The following CRTC3 variants were observed in gnomAD, a reference collection of about 807,000 sequenced individuals.
CRTC3 encodes the protein CREB-regulated transcription coactivator 3.
In CRTC3, 26 loss-of-function variants were observed where a neutral mutation model predicts 74.5. The observed-to-expected ratio is 0.35, with a 90% CI of 0.26 to 0.48. The LOEUF is 0.48. Among genes scored for constraint, CRTC3 ranks in the 20% least tolerant of loss-of-function variants. The probability of loss-of-function intolerance (pLI) is 0.99; values close to 1 mark genes in which losing one functional copy is unlikely to be tolerated. For synonymous variants in CRTC3, 377 were observed against 325.8 expected, an observed-to-expected ratio of 1.16 and a Z score of -1.69; for missense variants, 760 against 787.3, an observed-to-expected ratio of 0.97 and a Z score of 0.41.
intron 3 of CRTC3, chr15:90,598,515 T>G: frequency 1.4e-6 from 1 of 702,662 alleles, no homozygotes; most frequent in African/African-American, 1.7e-5. Flanking sequence ...AAGATTTTCC[T>G]GCACAGAACT....
intron 2 of CRTC3, among the ~76,000 whole-genome samples, chr15:90,573,678 T>C (rs1967331469): frequency 6.6e-6 from 1 of 152,216 alleles, no homozygotes; most frequent in African/African-American, 2.4e-5. Flanking sequence ...TCTGTCCATT[T>C]CCACATCAGT....
chr15:90,562,780 T>A (rs992582176), intron 2 of CRTC3, among the ~76,000 whole-genome samples: 1 of 151,734 alleles, frequency 6.6e-6, no homozygotes, highest in Non-Finnish European at 1.5e-5. Flanking sequence ...AAGGCCAGAG[T>A]TGGGAGGCAA....
At chr15:90,598,098 G>T in intron 3 of CRTC3, 1 of 256,630 alleles carries the variant, frequency 3.9e-6, no homozygotes, top group Non-Finnish European at 7.6e-6. Flanking sequence ...TACATGGAAG[G>T]TCTCAGGCCT....
chr15:90,637,156 G>A (rs1166346120), intron 11 of CRTC3, among the ~76,000 whole-genome samples: 1 of 152,214 alleles, frequency 6.6e-6, no homozygotes, highest in Admixed American at 6.5e-5. Flanking sequence ...AACCAAGCCA[G>A]ATGTCCAACA....
chr15:90,575,946 G>T (rs1259401418), intron 2 of CRTC3, among the ~76,000 whole-genome samples: 3 of 152,134 alleles, frequency 2.0e-5, no homozygotes, highest in African/African-American at 7.2e-5. Context: ...CTAAGGATAT[G>T]ATCAGATTTG....
intron 2 of CRTC3, among the ~76,000 whole-genome samples, chr15:90,572,012 A>T (rs1256896619): frequency 1.3e-5 from 2 of 152,014 alleles, no homozygotes; most frequent in Non-Finnish European, 2.9e-5. Context: ...AAATACAAAA[A>T]TTAGCTGGGC....
rs527774970 is a variant in CRTC3 at position 90,572,734 on chromosome 15, C to G, written c.232-20902C>G. On this transcript the variant is annotated intron_variant, in intron 2 of 14. Transcript: ENST00000268184. ...GGGATTACAGCTGTGCGTCACCATA[C>G]CCAGCTAATTTTTGTATTTTTAGTA... is the stretch of plus-strand genomic sequence containing the variant. 2.0e-5 allele frequency among the ~76,000 whole-genome samples: 3 copies of G among 152,230 alleles called. No individual in the cohort carries two copies. In the South Asian group the frequency reaches 6.2e-4, roughly 32 times the overall value.
intron 2 of CRTC3, among the ~76,000 whole-genome samples, chr15:90,576,816 A>C (rs1452351583): frequency 6.6e-6 from 1 of 152,118 alleles, no homozygotes. Context: ...TATCTTGGGA[A>C]ATTTCGGTGG....
chr15:90,637,243 T>C (rs1428275270), intron 11 of CRTC3, among the ~76,000 whole-genome samples: 1 of 152,228 alleles, frequency 6.6e-6, no homozygotes, highest in Non-Finnish European at 1.5e-5. Context: ...GATGAGTTCA[T>C]GTCCTTTGTA....
At chr15:90,630,702 C>A (rs1357389481) in intron 11 of CRTC3, among the ~76,000 whole-genome samples, 2 of 151,248 alleles carry the variant, frequency 1.3e-5, no homozygotes, top group Non-Finnish European at 2.9e-5. Context: ...ATACCATAAT[C>A]ATCGAGGAAT....
rs563647600 is a variant in CRTC3 at position 90,590,876 on chromosome 15, C to T, written c.232-2760C>T. ...GAGATTAACACCCCACAACTGAATACCAGCAGTAATACAGGATTTGGGCCA... is the reference window on the plus strand; with the variant it reads ...GAGATTAACACCCCACAACTGAATATCAGCAGTAATACAGGATTTGGGCCA... On this transcript the variant is annotated intron_variant, in intron 2 of 14. Transcript: ENST00000268184. Among the ~76,000 whole-genome samples the T allele has an allele frequency of 4.6e-5, 7 of 152,304 alleles. No individual in the cohort carries two copies. The South Asian group carries it at 6.2e-4, about 14-fold the overall frequency.
chr15:90,606,017 A>G (rs1968209391), intron 5 of CRTC3, among the ~76,000 whole-genome samples: 1 of 152,190 alleles, frequency 6.6e-6, no homozygotes, highest in African/African-American at 2.4e-5. Flanking sequence ...GCATTTTGGG[A>G]GGCCAAGGCG....
At chr15:90,556,006 G>C (rs1266557907) in intron 2 of CRTC3, among the ~76,000 whole-genome samples, 3 of 151,944 alleles carry the variant, frequency 2.0e-5, no homozygotes, top group Non-Finnish European at 4.4e-5. Flanking sequence ...ATCAACTAGA[G>C]ATTACCATTT....
rs900441223 is a variant in CRTC3, at chr15:90,634,663, G to A, written c.1267-3783G>A. 1.4e-5 allele frequency: 8 copies of A among 577,038 alleles called. No individual in the cohort carries two copies. The African/African-American group carries it at 1.5e-4, about 11-fold the overall frequency. The allele number at this position is 577,038 out of a possible 1,614,324, so 35.7% of individuals were successfully genotyped here. A position where few individuals can be genotyped will look rare whatever the true frequency, so the allele number is the denominator to read the frequency against. On this transcript the variant is annotated intron_variant, in intron 11 of 14. Coordinates refer to ENST00000268184, the MANE Select transcript of CRTC3 (RefSeq NM_022769.5). ...TGCTCATGTTTAAGAACAGGACACT[G>A]AGGGGCTGTCTCCTTGCGGCTCTAC... is the stretch of plus-strand genomic sequence containing the variant.
At chr15:90,618,171 C>G (rs1968543519) in intron 8 of CRTC3, 1 of 283,318 alleles carries the variant, frequency 3.5e-6, no homozygotes, top group Non-Finnish European at 6.4e-6. Flanking sequence ...ACATTGATCT[C>G]TTGGCTTACT....
chr15:90,642,933 C>G lies in CRTC3; in HGVS notation c.*793C>G. ...ACAGGGACTGCAGGTGTCTCATACT[C>G]AGTGGCCTCCAGACAAACTCCAGAC... On this transcript the variant is annotated 3_prime_UTR_variant, in exon 15 of 15. Transcript: ENST00000268184. The G allele has an allele frequency of 4.3e-6, 1 of 233,190 alleles. No individual in the cohort carries two copies. Among genetic ancestry groups the G allele is most frequent in the Non-Finnish European group, 8.5e-6 (1 of 118,080 alleles). 14.4% of individuals were successfully genotyped at this position (233,190 alleles called of 1,614,324 possible).
chr15:90,606,684 T>TA (rs1024351303), intron 5 of CRTC3: 20 of 152,304 alleles, frequency 1.3e-4, no homozygotes, highest in Admixed American at 9.1e-4. Flanking sequence ...ACTAGTGAAT[T>TA]AAAAAAATAA....
At position 90,563,879 on chromosome 15, in the gene CRTC3, C is replaced by T. The variant is rs899069433; in HGVS notation, c.231+23742C>T. Among the ~76,000 whole-genome samples the T allele has an allele frequency of 2.0e-5, 3 of 152,284 alleles. No homozygotes were observed. The East Asian group carries it at 5.8e-4, about 29-fold the overall frequency. On this transcript the variant is annotated intron_variant, in intron 2 of 14. Transcript: ENST00000268184. ...TAATTTCCTTCTTTCCTTCTTTCTT[C>T]CCGCCTTCCTTCCTTTTTTTCAAAC...
At chr15:90,592,834 G>A (rs1967832457) in intron 2 of CRTC3, among the ~76,000 whole-genome samples, 1 of 152,172 alleles carries the variant, frequency 6.6e-6, no homozygotes, top group Admixed American at 6.5e-5. Context: ...CCTGAGATGA[G>A]TGCGGCTCAT....
Sources: allele counts gnomAD v4.1 joint callset (sites outside exome capture counted in the v4.1 genomes callset), GRCh38; gene constraint gnomAD v4.1.1; transcripts MANE v1.5; gene names NCBI Gene and HGNC (gene_info 2026-07-23, HGNC 2026-07-21).